The following USP20 variants were observed in gnomAD, a reference collection of about 807,000 sequenced individuals.
USP20 encodes ubiquitin carboxyl-terminal hydrolase 20.
A neutral mutation model predicts 124.2 loss-of-function variants in USP20; 80 were observed. That is an observed-to-expected ratio of 0.64 (90% CI 0.54 to 0.78). The LOEUF is 0.78. USP20 is among the 30% of genes least tolerant of loss of function. The pLI is 0.00. For synonymous variants in USP20, 481 were observed against 512.3 expected (o/e 0.94, Z 0.83); for missense variants, 1,043 against 1,244.4 (o/e 0.84, Z 2.44).
In USP20 at chr9:129,839,223, A is replaced by G. The variant is rs547818144; in HGVS notation, c.-129+3724A>G. Among the ~76,000 whole-genome samples, 101 of 152,224 alleles carry G rather than the reference A, an allele frequency of 6.6e-4. 1 individual carries two copies. The highest frequency in any genetic ancestry group is 2.2e-3 in the African/African-American group (91 of 41,520). On this transcript the variant is annotated intron_variant, in intron 1 of 25. Transcript: ENST00000372429. The surrounding 1 kb of genome is among the most constrained non-coding windows in gnomAD (Gnocchi z 4.5). ...CACTTCTCTGAGCCTCGGTGTCTCC[A>G]TTGTTAGTGATGGAGATGGATTTAG... is the stretch of plus-strand genomic sequence containing the variant.
At chr9:129,867,970 C>T (rs368202867) in intron 10 of USP20, 35 bp from the exon 11 acceptor site, 88 of 1,587,820 alleles carry the variant, frequency 5.5e-5, no homozygotes, top group Non-Finnish European at 7.3e-5. Context: ...CTCCTGCCTC[C>T]AGGGGAGCCC....
intron 1 of USP20, among the ~76,000 whole-genome samples, chr9:129,836,016 CG>C (rs1471940616): frequency 6.6e-6 from 1 of 152,142 alleles, no homozygotes; most frequent in Non-Finnish European, 1.5e-5. Flanking sequence ...GGGTTTGAGC[CG>C]GGGGACTCCT....
chr9:129,837,712 G>A (rs1405219897), intron 1 of USP20, among the ~76,000 whole-genome samples: 2 of 152,154 alleles, frequency 1.3e-5, no homozygotes, highest in Non-Finnish European at 2.9e-5. Context: ...CCTCCGGGAG[G>A]GTGGCAAGGT....
At chr9:129,835,834 C>CT (rs2031786015) in intron 1 of USP20, 1 of 152,346 alleles carries the variant, frequency 6.6e-6, no homozygotes. Context: ...CGGGCGCTGA[C>CT]TTTTCTTTCC....
chr9:129,876,020 C>A (rs2034388084), intron 21 of USP20, 110 bp from the exon 22 acceptor site: 1 of 973,086 alleles, frequency 1.0e-6, no homozygotes, highest in Non-Finnish European at 1.5e-6. Context: ...AGGCCTGCGA[C>A]AGCGCTGAGG....
chr9:129,873,565 A>G (rs1436550012), intron 16 of USP20, 50 bp downstream of exon 16: 4 of 1,613,502 alleles, frequency 2.5e-6, no homozygotes, highest in Non-Finnish European at 2.5e-6. Context: ...TCTGTGCCCT[A>G]CATATTCCCC....
chr9:129,863,556 C>T (rs1244062557), intron 9 of USP20, among the ~76,000 whole-genome samples: 2 of 152,194 alleles, frequency 1.3e-5, no homozygotes, highest in Admixed American at 1.3e-4. Flanking sequence ...TAGAATTTGA[C>T]CTACTGTTGA....
chr9:129,876,098 G>A lies in USP20; in HGVS notation c.2301-32G>A, dbSNP rs780539073. On this transcript the variant is annotated intron_variant, in intron 21 of 25. Transcript: ENST00000372429. Reference sequence around the variant, plus strand: ...TCTCCCCTCCCTGGTACCCCGCTCAGGCCGTGTCTCTCTCTCCCACCCTGG... The same window carrying A: ...TCTCCCCTCCCTGGTACCCCGCTCAAGCCGTGTCTCTCTCTCCCACCCTGG... 6 of 1,585,038 alleles carry A rather than the reference G, an allele frequency of 3.8e-6. No individual in the cohort carries two copies. The South Asian group carries it at 6.8e-5, about 18-fold the overall frequency.
In USP20 at chr9:129,878,899, C is replaced by T. The variant is rs192498855; in HGVS notation, c.2512+459C>T. Among the ~76,000 whole-genome samples the T allele has an allele frequency of 2.1e-3, 324 of 152,348 alleles. 2 individuals carry two copies. Among genetic ancestry groups the T allele is most frequent in the Non-Finnish European group, 3.5e-3 (239 of 68,016 alleles). On this transcript the variant is annotated intron_variant, in intron 23 of 25. Transcript: ENST00000372429. ...ACTATTAAACCTGCATTAAAAATTT[C>T]GGCTGGGGCGCCCTCGGGGCATAAT...
Position 129,860,925 on chromosome 9 carries a change from T to C in USP20, c.331-12T>C, listed in dbSNP as rs768788747. ...TGTTCACTGTTTTCCTCACTTTGGGTCTTTAACACAGGACTCCCCGCCACC... is the reference window on the plus strand; with the variant it reads ...TGTTCACTGTTTTCCTCACTTTGGGCCTTTAACACAGGACTCCCCGCCACC... On this transcript the variant is annotated splice_polypyrimidine_tract_variant and intron_variant, in intron 6 of 25. Transcript: ENST00000372429. 2.5e-6 allele frequency: 4 copies of C among 1,613,714 alleles called. No homozygotes were observed. Among genetic ancestry groups the C allele is most frequent in the Non-Finnish European group, 3.4e-6 (4 of 1,179,662 alleles).
rs1303934019 is a variant in USP20, at chr9:129,873,421, T to G, written c.1661-61T>G. ...TTAAGCAGAAATCATTATAGTCACT[T>G]TTTTTTGCTCCCTCATTTTGCATCC... On this transcript the variant is annotated intron_variant, in intron 15 of 25. Coordinates refer to ENST00000372429, the MANE Select transcript of USP20 (RefSeq NM_001110303.4). The G allele has an allele frequency of 1.9e-6, 3 of 1,598,896 alleles. No individual in the cohort carries two copies. The African/African-American group carries it at 4.0e-5, about 21-fold the overall frequency.
chr9:129,873,479 T>C lies in USP20; in HGVS notation c.1661-3T>C, dbSNP rs768864733. The C allele has an allele frequency of 3.8e-5, 61 of 1,614,098 alleles. No homozygotes were observed. Among genetic ancestry groups the C allele is most frequent in the Non-Finnish European group, 2.4e-5 (28 of 1,180,034 alleles). ...CCTCTGACCCTTTGTTTTACTGCCCTAGGTGACAACATGTACAGCTGTGAG... is the reference window on the plus strand; with the variant it reads ...CCTCTGACCCTTTGTTTTACTGCCCCAGGTGACAACATGTACAGCTGTGAG... On this transcript the variant is annotated splice_polypyrimidine_tract_variant and splice_region_variant and intron_variant, in intron 15 of 25. Coordinates refer to ENST00000372429, the MANE Select transcript of USP20 (RefSeq NM_001110303.4).
chr9:129,873,304 G>A (rs192894000), intron 15 of USP20, among the ~76,000 whole-genome samples, 178 bp from the exon 16 acceptor site: 1 of 151,938 alleles, frequency 6.6e-6, no homozygotes, highest in East Asian at 1.9e-4. Context: ...GGCTGGCCTC[G>A]AACTCCTGAC....
chr9:129,863,080 T>C (rs2033632509), intron 8 of USP20, 106 bp from the exon 9 acceptor site: 2 of 777,226 alleles, frequency 2.6e-6, no homozygotes, highest in South Asian at 3.0e-5. Context: ...CCAGGGCCAC[T>C]GTGCTCCCTG....
intron 10 of USP20, among the ~76,000 whole-genome samples, chr9:129,867,348 A>G (rs1490960001): frequency 6.6e-6 from 1 of 152,208 alleles, no homozygotes; most frequent in Non-Finnish European, 1.5e-5. Context: ...TGGTCAGGAT[A>G]AAATGGTCAT....
At chr9:129,873,859 C>A in intron 17 of USP20, 115 bp downstream of exon 17, 1 of 1,275,224 alleles carries the variant, frequency 7.8e-7, no homozygotes, top group Non-Finnish European at 1.1e-6. Context: ...CTGCAGGGGC[C>A]GTGGAGACTC....
chr9:129,860,482 C>T (rs2033486044), intron 6 of USP20, among the ~76,000 whole-genome samples: 1 of 151,886 alleles, frequency 6.6e-6, no homozygotes, highest in African/African-American at 2.4e-5. Flanking sequence ...AAATGCAAGT[C>T]AACATCTGGA....
intron 3 of USP20, 45 bp from the exon 4 acceptor site, chr9:129,856,262 G>C: frequency 6.3e-7 from 1 of 1,595,130 alleles, no homozygotes; most frequent in Non-Finnish European, 8.6e-7. Context: ...GCCCCGCAAC[G>C]GGCTCCTCAT....
At position 129,878,028 on chromosome 9, in the gene USP20, C is replaced by T. The variant is rs538084136; in HGVS notation, c.2410-310C>T. ...CAGAGGTTGCAGTAAGCCGAGATCG[C>T]GCCACTGCACTCCAGCCTGGGTGAC... On this transcript the variant is annotated intron_variant, in intron 22 of 25. Coordinates refer to ENST00000372429, the MANE Select transcript of USP20 (RefSeq NM_001110303.4). Among the ~76,000 whole-genome samples, 49 of 152,148 alleles carry T rather than the reference C, an allele frequency of 3.2e-4. 1 individual carries two copies. The highest frequency in any genetic ancestry group is 1.1e-3 in the African/African-American group (46 of 41,504).
Sources: gnomAD v4.1 joint callset for allele counts (sites outside exome capture counted in the v4.1 genomes callset) on GRCh38, gnomAD v4.1.1 for gene constraint, Gnocchi (gnomAD v3.1) non-coding constraint, MANE v1.5 for transcripts, NCBI Gene and HGNC (gene_info 2026-07-23, HGNC 2026-07-21) for gene names.